The following ILRUN variants were observed in gnomAD, a reference collection of about 807,000 sequenced individuals.
ILRUN encodes protein ILRUN.
ILRUN carries 3 observed loss-of-function variants against 33.8 expected under a neutral mutation model. The ratio of observed to expected loss-of-function variants is 0.09; its 90% CI spans 0.04 to 0.23. The LOEUF is 0.23. ILRUN is among the 10% of genes least tolerant of loss of function. ILRUN has a pLI of 1.00. For missense variants in ILRUN, 210 were observed against 375.1 expected (o/e 0.56, Z 3.64); for synonymous variants, 124 against 138.9 (o/e 0.89, Z 0.75).
At chr6:34,601,709 C>G (rs79139175) in intron 4 of ILRUN, among the ~76,000 whole-genome samples, 3 of 151,752 alleles carry the variant, frequency 2.0e-5, no homozygotes, top group Admixed American at 1.3e-4. Flanking sequence ...GTACCCGCCC[C>G]CCCAACTACT....
At chr6:34,613,130 G>A (rs1329300463) in intron 3 of ILRUN, among the ~76,000 whole-genome samples, 1 of 152,002 alleles carries the variant, frequency 6.6e-6, no homozygotes, top group Non-Finnish European at 1.5e-5. Flanking sequence ...AGAATCACTG[G>A]AACCTAAGAG....
chr6:34,615,853 T>C (rs888706979), intron 3 of ILRUN, among the ~76,000 whole-genome samples: 6 of 152,228 alleles, frequency 3.9e-5, no homozygotes, highest in Admixed American at 2.0e-4. Context: ...CAGTTAACAG[T>C]CTTCAAACTA....
intron 3 of ILRUN, among the ~76,000 whole-genome samples, chr6:34,634,289 T>C (rs1224450677): frequency 6.6e-6 from 1 of 152,030 alleles, no homozygotes; most frequent in Admixed American, 6.6e-5. Context: ...CACTGCAGTG[T>C]CTAAAAATTT....
chr6:34,690,079 A>G lies in ILRUN; in HGVS notation c.158+6367T>C, dbSNP rs902733642. Among the ~76,000 whole-genome samples, 12 of 152,282 alleles carry G rather than the reference A, an allele frequency of 7.9e-5. 1 individual carries two copies. Among genetic ancestry groups the G allele is most frequent in the Non-Finnish European group, 4.4e-5 (3 of 68,022 alleles). On this transcript the variant is annotated intron_variant, in intron 1 of 4. Transcript: ENST00000374023. ...TTAACTCCTAAGTTAATGTATAAAA[A>G]TCTAGAAGAGTTATTTGACTCTTGT...
chr6:34,657,386 G>A (rs552521858), intron 1 of ILRUN, among the ~76,000 whole-genome samples: 2 of 152,316 alleles, frequency 1.3e-5, no homozygotes, highest in South Asian at 4.1e-4. Context: ...AGGAACACTA[G>A]TAAGTGGGAA....
chr6:34,656,503 T>C (rs929026839), intron 1 of ILRUN, among the ~76,000 whole-genome samples: 1 of 152,194 alleles, frequency 6.6e-6, no homozygotes, highest in Non-Finnish European at 1.5e-5. Flanking sequence ...TAACTGCTTC[T>C]CTTCTGGTCT....
chr6:34,642,174 C>A (rs1406025846), intron 3 of ILRUN, among the ~76,000 whole-genome samples: 1 of 152,166 alleles, frequency 6.6e-6, no homozygotes, highest in African/African-American at 2.4e-5. Flanking sequence ...AATGGATAAC[C>A]TGTTTTAAGA....
chr6:34,682,444 G>A (rs910515186), intron 1 of ILRUN, among the ~76,000 whole-genome samples: 2 of 151,412 alleles, frequency 1.3e-5, no homozygotes, highest in African/African-American at 2.4e-5. Flanking sequence ...ATTTTTAGTA[G>A]AGACACGGTT....
intron 1 of ILRUN, among the ~76,000 whole-genome samples, chr6:34,693,207 T>A (rs540381685): frequency 6.6e-6 from 1 of 152,326 alleles, no homozygotes; most frequent in African/African-American, 2.4e-5. Context: ...AGTTCACAAA[T>A]GATTTTTCAT....
At chr6:34,688,304 T>G (rs1763570496) in intron 1 of ILRUN, among the ~76,000 whole-genome samples, 1 of 146,810 alleles carries the variant, frequency 6.8e-6, no homozygotes, top group South Asian at 2.1e-4. Flanking sequence ...CTTGGGAGAC[T>G]GAGGTGGGAG....
chr6:34,633,858 G>C (rs1296137035), intron 3 of ILRUN, among the ~76,000 whole-genome samples: 1 of 132,982 alleles, frequency 7.5e-6, no homozygotes, highest in Non-Finnish European at 1.6e-5. Flanking sequence ...GAGGAGGGGA[G>C]GGGAGGGAGA....
Position 34,606,816 on chromosome 6 carries a change from T to G in ILRUN, c.600A>C (p.Thr200=). ...QLSSFETEFN[T]QPHRKVEGNF... is the part of the protein sequence containing the mutation. Reference sequence around the variant, plus strand: ...TTCCTTCTACCTTACGATGCGGCTGTGTGTTGAACTCCGTTTCAAAAGATG... The same window carrying G: ...TTCCTTCTACCTTACGATGCGGCTGGGTGTTGAACTCCGTTTCAAAAGATG... Residue 200 remains threonine, a synonymous_variant, in exon 4 of 5, where the codon ACA becomes ACC. Transcript: ENST00000374023. 1 of 1,614,120 alleles carries G rather than the reference T, an allele frequency of 6.2e-7. No homozygotes were observed. Among genetic ancestry groups the G allele is most frequent in the Non-Finnish European group, 8.5e-7 (1 of 1,180,020 alleles).
intron 2 of ILRUN, among the ~76,000 whole-genome samples, chr6:34,650,663 C>A (rs950630991): frequency 6.6e-6 from 1 of 151,910 alleles, no homozygotes; most frequent in Non-Finnish European, 1.5e-5. Context: ...GTTGGCCAGG[C>A]TGGTCTTGAA....
At chr6:34,593,654 A>T (rs1275564220) in intron 4 of ILRUN, among the ~76,000 whole-genome samples, 1 of 152,186 alleles carries the variant, frequency 6.6e-6, no homozygotes, top group Non-Finnish European at 1.5e-5. Flanking sequence ...AGTGAACTAT[A>T]TATTAGAGTT....
At chr6:34,639,158 G>A (rs567111762) in intron 3 of ILRUN, among the ~76,000 whole-genome samples, 1 of 152,334 alleles carries the variant, frequency 6.6e-6, no homozygotes, top group East Asian at 1.9e-4. Flanking sequence ...TTCCTAACAT[G>A]TGGGACATAT....
chr6:34,661,508 G>C (rs1441682858), intron 1 of ILRUN, among the ~76,000 whole-genome samples: 1 of 152,002 alleles, frequency 6.6e-6, no homozygotes, highest in Non-Finnish European at 1.5e-5. Context: ...CATAGTATCT[G>C]GTCTATAAAC....
chr6:34,611,399 CAATA>C (rs1052632809), intron 3 of ILRUN, among the ~76,000 whole-genome samples: 4 of 152,146 alleles, frequency 2.6e-5, no homozygotes, highest in Non-Finnish European at 5.9e-5. Flanking sequence ...TAAACACCAA[CAATA>C]AATATCAGTT....
chr6:34,665,099 T>A (rs1401145294), intron 1 of ILRUN, among the ~76,000 whole-genome samples: 1 of 150,936 alleles, frequency 6.6e-6, no homozygotes, highest in Non-Finnish European at 1.5e-5. Context: ...ACCTCCCAAG[T>A]AGGAGTACAG....
intron 3 of ILRUN, among the ~76,000 whole-genome samples, chr6:34,616,341 C>T (rs1761892139): frequency 6.6e-6 from 1 of 152,152 alleles, no homozygotes; most frequent in South Asian, 2.1e-4. Flanking sequence ...TCACACTTCC[C>T]CTAAGGATTA....
Sources: allele counts gnomAD v4.1 joint callset (sites outside exome capture counted in the v4.1 genomes callset), GRCh38; gene constraint gnomAD v4.1.1; transcripts MANE v1.5; gene names NCBI Gene and HGNC (gene_info 2026-07-23, HGNC 2026-07-21).